MSRB3: variants seen among roughly 807,000 people sequenced by gnomAD.
MSRB3 encodes the protein methionine-R-sulfoxide reductase B3.
In MSRB3, 13 loss-of-function variants were observed where a neutral mutation model predicts 21.0. That is an observed-to-expected ratio of 0.62 (90% confidence interval 0.40 to 0.98). The LOEUF is 0.98. MSRB3 is among the 50% of genes least tolerant of loss of function. MSRB3 has a pLI of 0.00. For missense variants in MSRB3, 199 were observed against 230.3 expected (o/e 0.86, Z 0.88); for synonymous variants, 87 against 88.6 (o/e 0.98, Z 0.10).
intron 5 of MSRB3, among the ~76,000 whole-genome samples, chr12:65,417,568 C>T (rs1185080577): frequency 1.3e-5 from 2 of 152,120 alleles, no homozygotes; most frequent in Non-Finnish European, 1.5e-5. Context: ...CTGTAGTCAC[C>T]ATGATGTACA....
At chr12:65,419,563 T>A in intron 5 of MSRB3, 1 of 737,000 alleles carries the variant, frequency 1.4e-6, no homozygotes. Context: ...ATTGTCGATC[T>A]GCAGAACAAT....
At chr12:65,279,835 G>T (rs12297256) in intron 1 of MSRB3, among the ~76,000 whole-genome samples, 13,770 of 152,200 alleles carry the variant, frequency 0.09, 1,629 homozygotes, top group African/African-American at 0.27. Context: ...CGTTTGTGAT[G>T]AGTAGTCGTC....
At chr12:65,380,917 CT>C (rs2136557890) in intron 5 of MSRB3, among the ~76,000 whole-genome samples, 1 of 152,156 alleles carries the variant, frequency 6.6e-6, no homozygotes, top group East Asian at 1.9e-4. Flanking sequence ...ATGTTTTATG[CT>C]TTTTTAGTCA....
intron 5 of MSRB3, chr12:65,419,226 T>A (rs1181836932): frequency 1.5e-5 from 11 of 719,590 alleles, no homozygotes; most frequent in Non-Finnish European, 2.8e-5. Flanking sequence ...TGTCCAGCCC[T>A]TCTCAGTTCT....
chr12:65,388,466 G>T (rs1226401648), intron 5 of MSRB3, among the ~76,000 whole-genome samples: 1 of 152,204 alleles, frequency 6.6e-6, no homozygotes, highest in African/African-American at 2.4e-5. Flanking sequence ...CTGTGTTTCA[G>T]TGTTATCTCA....
At chr12:65,307,499 A>G (rs960686066) in intron 1 of MSRB3, among the ~76,000 whole-genome samples, 2 of 152,200 alleles carry the variant, frequency 1.3e-5, no homozygotes, top group East Asian at 1.9e-4. Flanking sequence ...AATGAACAAG[A>G]CATTAATTTT....
chr12:65,345,614 G>T (rs576532920), intron 4 of MSRB3, among the ~76,000 whole-genome samples: 1 of 152,204 alleles, frequency 6.6e-6, no homozygotes, highest in Admixed American at 6.5e-5. Flanking sequence ...AAGTTTTAGG[G>T]TACGTATGCA....
At chr12:65,446,996 A>G (rs1394489066) in intron 5 of MSRB3, among the ~76,000 whole-genome samples, 10 of 152,222 alleles carry the variant, frequency 6.6e-5, no homozygotes, top group Admixed American at 6.5e-4. Flanking sequence ...AGCCTGGAAG[A>G]CTGCTCTCTT....
At chr12:65,318,030 GTCT>G (rs1287698124) in intron 2 of MSRB3, among the ~76,000 whole-genome samples, 1 of 152,062 alleles carries the variant, frequency 6.6e-6, no homozygotes, top group Non-Finnish European at 1.5e-5. Context: ...ATTGAATAAT[GTCT>G]TCCCGTGTCA....
intron 1 of MSRB3, among the ~76,000 whole-genome samples, chr12:65,297,178 A>G (rs1019980352): frequency 2.0e-5 from 3 of 151,752 alleles, no homozygotes; most frequent in Non-Finnish European, 4.4e-5. Context: ...ATGAGAACAC[A>G]TGGACACAGG....
At chr12:65,417,871 T>C (rs1483765470) in intron 5 of MSRB3, among the ~76,000 whole-genome samples, 1 of 152,218 alleles carries the variant, frequency 6.6e-6, no homozygotes, top group Non-Finnish European at 1.5e-5. Context: ...ACATTCTCTA[T>C]CCATTTATCT....
intron 4 of MSRB3, among the ~76,000 whole-genome samples, chr12:65,363,256 A>G (rs1375373081): frequency 6.6e-6 from 1 of 152,108 alleles, no homozygotes; most frequent in African/African-American, 2.4e-5. Flanking sequence ...TTAAATGAAA[A>G]ACAATGTTCT....
At chr12:65,375,867 T>G (rs1878583562) in intron 5 of MSRB3, among the ~76,000 whole-genome samples, 1 of 152,072 alleles carries the variant, frequency 6.6e-6, no homozygotes, top group South Asian at 2.1e-4. Flanking sequence ...GTTTTATTGT[T>G]TGGTAGTCAA....
chr12:65,296,062 T>C (rs1872943474), intron 1 of MSRB3, among the ~76,000 whole-genome samples: 1 of 152,240 alleles, frequency 6.6e-6, no homozygotes, highest in Non-Finnish European at 1.5e-5. Context: ...CAAATACTCA[T>C]TTTATTAGTG....
At chr12:65,457,268 C>T (rs58347289) in intron 6 of MSRB3, among the ~76,000 whole-genome samples, 7,372 of 152,040 alleles carry the variant, frequency 0.048, 608 homozygotes, top group African/African-American at 0.17. Flanking sequence ...ATGTGCAGAA[C>T]GTGCAGGTTT....
chr12:65,384,563 T>G (rs1421604206), intron 5 of MSRB3, among the ~76,000 whole-genome samples: 1 of 152,146 alleles, frequency 6.6e-6, no homozygotes, highest in Non-Finnish European at 1.5e-5. Context: ...ACCTCTATCT[T>G]AAGTTTCTAC....
At chr12:65,353,423 T>C (rs1877165350) in intron 4 of MSRB3, among the ~76,000 whole-genome samples, 1 of 152,198 alleles carries the variant, frequency 6.6e-6, no homozygotes, top group Non-Finnish European at 1.5e-5. Context: ...ATTGGGTGCA[T>C]ATATATTTAG....
chr12:65,433,093 CA>C (rs1213640359), intron 5 of MSRB3, among the ~76,000 whole-genome samples: 11 of 151,832 alleles, frequency 7.2e-5, no homozygotes, highest in African/African-American at 2.7e-4. Flanking sequence ...ATAGAATTAC[CA>C]TATAATCCAG....
In MSRB3 at chr12:65,465,582, G is replaced by T. The variant is rs1331466208; in HGVS notation, c.*2260G>T. 2.6e-5 allele frequency: 4 copies of T among 152,060 alleles called. No individual in the cohort carries two copies. The East Asian group carries it at 7.7e-4, about 29-fold the overall frequency. The allele number at this position is 152,060 out of a possible 1,614,324, so 9.4% of individuals were successfully genotyped here. On this transcript the variant is annotated 3_prime_UTR_variant, in exon 7 of 7. Transcript: ENST00000308259. ...CCTCTCTAAGAAGCCTGACATCCCGGTGGACTCTTTATAGTCATGTACACT... is the reference window on the plus strand; with the variant it reads ...CCTCTCTAAGAAGCCTGACATCCCGTTGGACTCTTTATAGTCATGTACACT...
Sources: allele counts gnomAD v4.1 joint callset (sites outside exome capture counted in the v4.1 genomes callset), GRCh38; gene constraint gnomAD v4.1.1; transcripts MANE v1.5; gene names NCBI Gene and HGNC (gene_info 2026-07-23, HGNC 2026-07-21).